Variants in LCP2 observed in about 807,000 individuals in gnomAD.
LCP2 encodes the protein 76 kDa tyrosine phosphoprotein.
In LCP2, 29 loss-of-function variants were observed where a neutral mutation model predicts 74.5. The ratio of observed to expected loss-of-function variants is 0.39; its 90% confidence interval spans 0.29 to 0.53. The LOEUF (loss-of-function observed/expected upper bound fraction) is 0.53, where lower values mean the gene tolerates loss of function less well. LCP2 is among the 20% of genes least tolerant of loss of function. LCP2 has a pLI of 0.72. For synonymous variants in LCP2, 228 were observed against 229.5 expected, an observed-to-expected ratio of 0.99 and a Z score of 0.06; for missense variants, 604 against 634.6, an observed-to-expected ratio of 0.95 and a Z score of 0.52.
chr5:170,254,980 G>A (rs1761523794), intron 17 of LCP2, among the ~76,000 whole-genome samples: 1 of 152,202 alleles, frequency 6.6e-6, no homozygotes, highest in African/African-American at 2.4e-5. Flanking sequence ...TCAAGCTAAT[G>A]TTCCAAAAAT....
chr5:170,295,684 C>T (rs1478090646), intron 1 of LCP2, among the ~76,000 whole-genome samples: 3 of 152,172 alleles, frequency 2.0e-5, no homozygotes, highest in East Asian at 1.9e-4. Flanking sequence ...AATGACTCTG[C>T]GGTCCATTCG....
intron 17 of LCP2, among the ~76,000 whole-genome samples, chr5:170,255,623 G>C (rs147950310): frequency 7.9e-5 from 12 of 152,098 alleles, no homozygotes; most frequent in Non-Finnish European, 1.5e-5. Flanking sequence ...ATGCTCATTC[G>C]ACAAGCATTT....
At chr5:170,275,645 T>C (rs1363853713) in intron 4 of LCP2, 150 bp downstream of exon 4, 2 of 719,616 alleles carry the variant, frequency 2.8e-6, no homozygotes, top group Non-Finnish European at 4.7e-6. Flanking sequence ...AGGGAACCCC[T>C]TCCCCTCGTT....
intron 3 of LCP2, 23 bp from the exon 4 acceptor site, chr5:170,275,883 A>T (rs762297561): frequency 6.5e-7 from 1 of 1,546,128 alleles, no homozygotes; most frequent in Non-Finnish European, 8.8e-7. Context: ...GAGACAGATG[A>T]AGAGATAAAA....
At position 170,246,309 on chromosome 5, in the gene LCP2, G is replaced by A. The variant is rs889559178; in HGVS notation, c.*2388C>T. The A allele has an allele frequency of 6.6e-6, 3 of 457,300 alleles. No homozygotes were observed. The highest frequency in any genetic ancestry group is 7.1e-5 in the East Asian group (2 of 27,998). The allele number at this position is 457,300 out of a possible 1,614,324, so 28.3% of individuals were successfully genotyped here. A position where few individuals can be genotyped will look rare whatever the true frequency, so the allele number is the denominator to read the frequency against. ...CACTAATGGCAAGTGTATGACATAG[G>A]AAATTGGCCATGGGTCACTGCTTAT... On this transcript the variant is annotated 3_prime_UTR_variant, in exon 21 of 21. Transcript: ENST00000046794.
At chr5:170,274,208 G>T (rs1298827493) in intron 6 of LCP2, 93 bp downstream of exon 6, 31 of 1,315,414 alleles carry the variant, frequency 2.4e-5, no homozygotes, top group Admixed American at 7.7e-5. Flanking sequence ...TCATGTTAGA[G>T]CCCCGCTTCA....
chr5:170,258,183 A>C lies in LCP2; in HGVS notation c.971-17T>G, dbSNP rs76219007. On this transcript the variant is annotated splice_polypyrimidine_tract_variant and intron_variant, in intron 15 of 20. Coordinates refer to ENST00000046794, the MANE Select transcript of LCP2 (RefSeq NM_005565.5). ...TCTGATGCACTGTGCAGAAGTAGAA[A>C]ACAATGAATGAGATTGGCAGGCCCC... 6.2e-7 allele frequency: 1 copy of C among 1,613,408 alleles called. No homozygotes were observed. The highest frequency in any genetic ancestry group is 8.5e-7 in the Non-Finnish European group (1 of 1,179,444).
rs763777577 is a variant in LCP2, at chr5:170,268,435, G to C, written c.571C>G (p.Gln191Glu). Residue 191 changes from glutamine (Q) to glutamate (E), a missense_variant, in exon 8 of 21, where the codon CAG becomes GAG. Transcript: ENST00000046794. ...KTPQQPPVPP[Q>E]RPMAALPPPP... ...GGCGGGAGGGCGGCCATCGGTCTCT[G>C]GGGGGGCACAGGAGGCTGCTGGGGG... The C allele has an allele frequency of 2.2e-4, 114 of 520,016 alleles. No individual in the cohort carries two copies. Among genetic ancestry groups the C allele is most frequent in the Non-Finnish European group, 2.6e-4 (94 of 363,646 alleles). The allele number at this position is 520,016 out of a possible 1,614,324, so 32.2% of individuals were successfully genotyped here.
At chr5:170,259,496 C>A (rs560016540) in intron 14 of LCP2, among the ~76,000 whole-genome samples, 1 of 152,284 alleles carries the variant, frequency 6.6e-6, no homozygotes, top group South Asian at 2.1e-4. Context: ...GGGCTATTTT[C>A]TCTTCCACTC....
chr5:170,264,413 G>A (rs922967228), intron 10 of LCP2, among the ~76,000 whole-genome samples: 4 of 152,206 alleles, frequency 2.6e-5, no homozygotes, highest in African/African-American at 4.8e-5. Context: ...GCCCTATGGC[G>A]AATGGTGATA....
intron 3 of LCP2, among the ~76,000 whole-genome samples, chr5:170,284,508 G>C (rs1762152233): frequency 6.8e-6 from 1 of 146,852 alleles, no homozygotes; most frequent in African/African-American, 2.5e-5. Flanking sequence ...CATTGGTTTT[G>C]AGCAATTTGA....
Position 170,265,237 on chromosome 5 carries a change from T to G in LCP2, c.772+1571A>C, listed in dbSNP as rs2113171279. On this transcript the variant is annotated intron_variant, in intron 10 of 20. Coordinates refer to ENST00000046794, the MANE Select transcript of LCP2 (RefSeq NM_005565.5). ...CTCCTGACGTTGTGATCTGCCCGCC[T>G]CAGCCTCCCAAAGTGCTGGGATTAC... 1.3e-5 allele frequency among the ~76,000 whole-genome samples: 2 copies of G among 152,266 alleles called. 1 individual carries two copies. The highest frequency in any genetic ancestry group is 1.3e-4 in the Admixed American group (2 of 15,302).
At position 170,258,067 on chromosome 5, in the gene LCP2, G is replaced by C; in HGVS notation, c.1070C>G (p.Ser357Cys). Reference sequence around the variant, plus strand: ...TGAGAATGCTCCAGGCATGTGAGAGGATGGGAGAGGGTTCATGGGACTTGG... The same window carrying C: ...TGAGAATGCTCCAGGCATGTGAGAGCATGGGAGAGGGTTCATGGGACTTGG... Reference protein sequence around the residue: ...TKPSPMNPLPSSHMPGAFSES... With the variant: ...TKPSPMNPLPCSHMPGAFSES... The change falls in exon 16 of 21, where the codon TCC becomes TGC. Residue 357 changes from serine to cysteine, a missense_variant. By Grantham distance (112) the Ser-to-Cys change is moderately radical. Coordinates refer to ENST00000046794, the MANE Select transcript of LCP2 (RefSeq NM_005565.5). The C allele has an allele frequency of 6.2e-7, 1 of 1,613,900 alleles. No homozygotes were observed. The highest frequency in any genetic ancestry group is 8.5e-7 in the Non-Finnish European group (1 of 1,179,788).
chr5:170,290,339 T>C (rs1327054528), intron 2 of LCP2, among the ~76,000 whole-genome samples: 1 of 152,158 alleles, frequency 6.6e-6, no homozygotes, highest in Admixed American at 6.5e-5. Context: ...CCCTTTGTTT[T>C]CCTACTGACA....
chr5:170,256,443 G>T lies in LCP2; in HGVS notation c.1150+83C>A. 9.1e-7 allele frequency: 1 copy of T among 1,094,518 alleles called. No homozygotes were observed. Among genetic ancestry groups the T allele is most frequent in the Non-Finnish European group, 1.4e-6 (1 of 711,150 alleles). The allele number at this position is 1,094,518 out of a possible 1,614,324, so 67.8% of individuals were successfully genotyped here. ...GCTTTTAGGAAACAATAAAACCTTT[G>T]TCGAAAGCTTTTGGGACAGGTTAGG... On this transcript the variant is annotated intron_variant, in intron 17 of 20. Transcript: ENST00000046794. This position sits in a 1 kb window ranked among gnomAD's most constrained non-coding sequence, Gnocchi z 4.5.
chr5:170,258,072 G>T lies in LCP2; in HGVS notation c.1065C>A (p.Leu355=). The T allele has an allele frequency of 6.2e-7, 1 of 1,613,938 alleles. No homozygotes were observed. Among genetic ancestry groups the T allele is most frequent in the Non-Finnish European group, 8.5e-7 (1 of 1,179,810 alleles). ...RSTKPSPMNP[L]PSSHMPGAFS... ...ATGCTCCAGGCATGTGAGAGGATGGGAGAGGGTTCATGGGACTTGGCTTAG... is the reference window on the plus strand; with the variant it reads ...ATGCTCCAGGCATGTGAGAGGATGGTAGAGGGTTCATGGGACTTGGCTTAG... Residue 355 remains leucine (L), a synonymous_variant, in exon 16 of 21, where the codon CTC becomes CTA. Coordinates refer to ENST00000046794, the MANE Select transcript of LCP2 (RefSeq NM_005565.5).
rs1282574583 is a variant in LCP2 at position 170,275,348 on chromosome 5, G to A, written c.258C>T (p.Pro86=). 1 of 1,613,874 alleles carries A rather than the reference G, an allele frequency of 6.2e-7. No individual in the cohort carries two copies. The highest frequency in any genetic ancestry group is 8.5e-7 in the Non-Finnish European group (1 of 1,179,894). Residue 86 remains proline, a synonymous_variant, in exon 5 of 21, where the codon CCC becomes CCT. Transcript: ENST00000046794. The part of the protein sequence containing the change: ...EERRSIFTRK[P]QVPRFPEETE... Reference sequence around the variant, plus strand: ...TCTCTTCAGGAAACCGCGGGACTTGGGGTCTGCAAAGGTAAATAGCACTGC... The same window carrying A: ...TCTCTTCAGGAAACCGCGGGACTTGAGGTCTGCAAAGGTAAATAGCACTGC...
chr5:170,270,973 G>A, intron 6 of LCP2, 56 bp from the exon 7 acceptor site: 3 of 1,440,836 alleles, frequency 2.1e-6, no homozygotes, highest in Non-Finnish European at 2.8e-6. Flanking sequence ...GGCCCTCGAT[G>A]TGCCTGTGCC....
chr5:170,256,445 C>A lies in LCP2; in HGVS notation c.1150+81G>T. ...TTTTAGGAAACAATAAAACCTTTGTCGAAAGCTTTTGGGACAGGTTAGGGA... is the reference window on the plus strand; with the variant it reads ...TTTTAGGAAACAATAAAACCTTTGTAGAAAGCTTTTGGGACAGGTTAGGGA... On this transcript the variant is annotated intron_variant, in intron 17 of 20. Transcript: ENST00000046794. This position sits in a 1 kb window ranked among gnomAD's most constrained non-coding sequence, Gnocchi z 4.5. 2 of 1,115,820 alleles carry A rather than the reference C, an allele frequency of 1.8e-6. No homozygotes were observed. The highest frequency in any genetic ancestry group is 2.5e-5 in the South Asian group (2 of 79,202). 69.1% of individuals were successfully genotyped at this position (1,115,820 alleles called of 1,614,324 possible).
Sources: allele counts gnomAD v4.1 joint callset (sites outside exome capture counted in the v4.1 genomes callset), GRCh38; gene constraint gnomAD v4.1.1; non-coding constraint Gnocchi (gnomAD v3.1); transcripts MANE v1.5; gene names NCBI Gene and HGNC (gene_info 2026-07-23, HGNC 2026-07-21).